Variants in MBP observed in about 807,000 individuals in gnomAD.
MBP encodes the protein myelin basic protein, also known as Golli-MBP.
In MBP, 16 loss-of-function variants were observed where a neutral mutation model predicts 35.8. The observed-to-expected ratio is 0.45, with a 90% CI of 0.30 to 0.68. MBP has a LOEUF of 0.68. Ranked by LOEUF, MBP falls within the 30% of genes least tolerant of loss-of-function variation. The probability of loss-of-function intolerance (pLI) is 0.08; values close to 1 mark genes in which losing one functional copy is unlikely to be tolerated. For synonymous variants in MBP, 143 were observed against 159.6 expected (o/e 0.90, Z 0.78); for missense variants, 380 against 404.7 (o/e 0.94, Z 0.52).
intron 4 of MBP, among the ~76,000 whole-genome samples, chr18:77,009,102 G>A (rs552195572): frequency 5.9e-5 from 9 of 152,308 alleles, no homozygotes; most frequent in Non-Finnish European, 8.8e-5. Context: ...GGTCTGGAGG[G>A]GGGCCTGGTG....
chr18:77,012,489 G>T (rs1259075839), intron 4 of MBP, among the ~76,000 whole-genome samples: 2 of 152,192 alleles, frequency 1.3e-5, no homozygotes, highest in African/African-American at 2.4e-5. Context: ...AACTGTCAGG[G>T]GAGAGAAGAC....
At position 77,016,856 on chromosome 18, in the gene MBP, A is replaced by C. The variant is rs758423417; in HGVS notation, c.552T>G (p.Gly184=). 1.5e-5 allele frequency: 24 copies of C among 1,613,976 alleles called. No homozygotes were observed. Among genetic ancestry groups the C allele is most frequent in the Non-Finnish European group, 1.8e-5 (21 of 1,180,028 alleles). Residue 184 remains glycine (G), a synonymous_variant, in exon 4 of 9, where the codon GGT becomes GGG. Coordinates refer to ENST00000355994, the MANE Select transcript of MBP (RefSeq NM_001025101.2). ...SIGRFFGGDR[G]APKRGSGKDS... The stretch of plus-strand genomic sequence containing the variant: ...CCTTGCCAGAGCCCCGCTTGGGCGC[A>C]CCCCTGTCACCGCCAAAGAAGCGCC...
chr18:77,020,668 C>A lies in MBP; in HGVS notation c.140-3400G>T, dbSNP rs1444968061. The stretch of plus-strand genomic sequence containing the variant: ...TACTCGGGGCTGGTCTCATAGGCTG[C>A]CTCGCTTGGTGCCACCAAGATTCCA... On this transcript the variant is annotated intron_variant, in intron 3 of 8. Coordinates refer to ENST00000355994, the MANE Select transcript of MBP (RefSeq NM_001025101.2). The surrounding 1 kb of genome is among the most constrained non-coding windows in gnomAD (Gnocchi z 4.1). 6.6e-6 allele frequency among the ~76,000 whole-genome samples: 1 copy of A among 152,210 alleles called. No individual in the cohort carries two copies. Among genetic ancestry groups the A allele is most frequent in the Non-Finnish European group, 1.5e-5 (1 of 68,042 alleles).
At chr18:77,010,108 G>T in intron 4 of MBP, 1 of 601,180 alleles carries the variant, frequency 1.7e-6, no homozygotes, top group South Asian at 1.9e-5. Flanking sequence ...GATGATGGAT[G>T]ATGGAAGGAA....
At chr18:77,010,212 C>G in intron 4 of MBP, 1 of 467,416 alleles carries the variant, frequency 2.1e-6, no homozygotes, top group Non-Finnish European at 3.9e-6. Context: ...AGAATTCTCT[C>G]CTCCAAAGTC....
intron 1 of MBP, among the ~76,000 whole-genome samples, chr18:77,119,807 C>A (rs571425962): frequency 2.0e-5 from 3 of 152,136 alleles, no homozygotes; most frequent in African/African-American, 7.2e-5. Flanking sequence ...TGGGGTGCTG[C>A]GGAAGAAGGG....
intron 4 of MBP, among the ~76,000 whole-genome samples, chr18:76,997,066 C>G (rs991177942): frequency 6.6e-6 from 1 of 152,202 alleles, no homozygotes; most frequent in African/African-American, 2.4e-5. Context: ...CTCCAAATGT[C>G]TCTGTTTTGG....
At chr18:77,027,272 C>A (rs748275150) in intron 3 of MBP, among the ~76,000 whole-genome samples, 5 of 152,106 alleles carry the variant, frequency 3.3e-5, no homozygotes, top group Admixed American at 6.6e-5. Flanking sequence ...ATGGGAAGAG[C>A]CTGTCCTCAG....
chr18:76,994,775 C>A (rs1442757106), intron 4 of MBP, among the ~76,000 whole-genome samples: 1 of 152,196 alleles, frequency 6.6e-6, no homozygotes, highest in East Asian at 1.9e-4. Context: ...ATGCAGTGAG[C>A]AGCAACTGTT....
At chr18:77,058,982 CT>C (rs1973853719) in intron 3 of MBP, among the ~76,000 whole-genome samples, 1 of 147,924 alleles carries the variant, frequency 6.8e-6, no homozygotes, top group South Asian at 2.2e-4. Flanking sequence ...TTACAACCCC[CT>C]GAGGCTGCCC....
intron 3 of MBP, among the ~76,000 whole-genome samples, chr18:77,019,126 T>C (rs1055466645): frequency 3.3e-5 from 5 of 152,006 alleles, no homozygotes; most frequent in Non-Finnish European, 7.3e-5. Flanking sequence ...ATTCTAAATA[T>C]CTGAGTTACA....
At chr18:77,082,977 A>AT (rs11367089) in intron 2 of MBP, among the ~76,000 whole-genome samples, 77 of 149,330 alleles carry the variant, frequency 5.2e-4, no homozygotes, top group African/African-American at 1.7e-3. Flanking sequence ...GGGATAGAGT[A>AT]TTTTTTTTTT....
chr18:77,045,149 G>A (rs1973183690), intron 3 of MBP, among the ~76,000 whole-genome samples: 2 of 152,166 alleles, frequency 1.3e-5, no homozygotes, highest in Non-Finnish European at 2.9e-5. Context: ...CATTATGTTG[G>A]TTGGAGAAAA....
chr18:77,009,797 A>G (rs1257144992), intron 4 of MBP: 57 of 1,462,958 alleles, frequency 3.9e-5, no homozygotes, highest in Non-Finnish European at 5.2e-5. Flanking sequence ...AGAGCTCAGG[A>G]AACGGCAGGT....
chr18:77,079,054 C>T (rs982062047), intron 2 of MBP, among the ~76,000 whole-genome samples: 4 of 152,240 alleles, frequency 2.6e-5, no homozygotes, highest in African/African-American at 9.6e-5. Context: ...GAGGGCACAT[C>T]ATCCCCAGCC....
At chr18:76,987,227 T>G in intron 7 of MBP, 6 of 985,472 alleles carry the variant, frequency 6.1e-6, no homozygotes, top group Non-Finnish European at 7.2e-6. Flanking sequence ...AAGCAGTAGC[T>G]AAAATAAGAT....
intron 3 of MBP, among the ~76,000 whole-genome samples, chr18:77,036,454 C>T (rs1972772205): frequency 2.4e-5 from 3 of 122,610 alleles, no homozygotes; most frequent in East Asian, 2.7e-4. Flanking sequence ...CTGAGCTGAG[C>T]AAGTGCTGGT....
chr18:77,051,302 G>C lies in MBP; in HGVS notation c.139+14996C>G, dbSNP rs78352317. Among the ~76,000 whole-genome samples the C allele has an allele frequency of 7.4e-3, 1,133 of 152,348 alleles. 50 individuals are homozygous for C. The East Asian group carries it at 0.11, about 14-fold the overall frequency. ...AGGTTCTTACCTTTCACTTGCGGGC[G>C]AATGACGCGAGCATCTCTCAGTTGC... On this transcript the variant is annotated intron_variant, in intron 3 of 8. Transcript: ENST00000355994.
At chr18:77,049,889 A>G (rs965312807) in intron 3 of MBP, among the ~76,000 whole-genome samples, 1 of 152,138 alleles carries the variant, frequency 6.6e-6, no homozygotes, top group Admixed American at 6.5e-5. Flanking sequence ...CATGTTGGCC[A>G]GGCTGGTCTT....
Sources: gnomAD v4.1 joint callset for allele counts (sites outside exome capture counted in the v4.1 genomes callset) on GRCh38, gnomAD v4.1.1 for gene constraint, Gnocchi (gnomAD v3.1) non-coding constraint, MANE v1.5 for transcripts, NCBI Gene and HGNC (gene_info 2026-07-23, HGNC 2026-07-21) for gene names.